Variants in EEF1AKMT1 observed in about 807,000 individuals in gnomAD.
EEF1AKMT1 encodes the protein EEF1A lysine methyltransferase 1.
In EEF1AKMT1, 18 loss-of-function variants were observed where a neutral mutation model predicts 21.0. The ratio of observed to expected loss-of-function variants is 0.86; its 90% CI spans 0.59 to 1.27. The LOEUF (loss-of-function observed/expected upper bound fraction) is 1.27, where lower values mean the gene tolerates loss of function less well. Among genes scored for constraint, EEF1AKMT1 ranks in the 50% most tolerant of loss-of-function variants. EEF1AKMT1 has a pLI of 0.00. For synonymous variants in EEF1AKMT1, 109 were observed against 94.8 expected (o/e 1.15, Z -0.87); for missense variants, 246 against 258.6 (o/e 0.95, Z 0.33).
At chr13:20,741,073 T>G (rs2058867774) in intron 2 of EEF1AKMT1, among the ~76,000 whole-genome samples, 1 of 152,000 alleles carries the variant, frequency 6.6e-6, no homozygotes, top group South Asian at 2.1e-4. Flanking sequence ...CCAGTTTGTT[T>G]AGTGAAAAAT....
intron 1 of EEF1AKMT1, among the ~76,000 whole-genome samples, chr13:20,761,147 G>A (rs999698608): frequency 2.0e-5 from 3 of 152,132 alleles, no homozygotes; most frequent in South Asian, 2.1e-4. Context: ...ATGATATCAC[G>A]TGTAGATTCA....
intron 2 of EEF1AKMT1, among the ~76,000 whole-genome samples, chr13:20,743,373 TTTA>T (rs985190042): frequency 1.1e-4 from 16 of 151,850 alleles, no homozygotes; most frequent in Non-Finnish European, 2.9e-5. Flanking sequence ...GGCTAATACT[TTTA>T]TTATTTTTAT....
At chr13:20,770,441 C>T (rs1313452434) in intron 1 of EEF1AKMT1, among the ~76,000 whole-genome samples, 1 of 151,998 alleles carries the variant, frequency 6.6e-6, no homozygotes, top group Non-Finnish European at 1.5e-5. Context: ...AGAAGTCCCA[C>T]CAAAGAATGG....
intron 2 of EEF1AKMT1, among the ~76,000 whole-genome samples, chr13:20,749,801 T>C (rs541981744): frequency 1.3e-5 from 2 of 152,366 alleles, no homozygotes; most frequent in Non-Finnish European, 2.9e-5. Context: ...TAAAAGTTTC[T>C]AATAAAGCTA....
At chr13:20,756,307 G>C (rs892651960) in intron 2 of EEF1AKMT1, among the ~76,000 whole-genome samples, 1 of 151,920 alleles carries the variant, frequency 6.6e-6, no homozygotes, top group Non-Finnish European at 1.5e-5. Context: ...GGTCATGTTA[G>C]GAGTTTCCTT....
intron 1 of EEF1AKMT1, among the ~76,000 whole-genome samples, chr13:20,767,197 T>C (rs2059039264): frequency 6.7e-6 from 1 of 149,496 alleles, no homozygotes; most frequent in Admixed American, 6.7e-5. Flanking sequence ...TCCCAGCTAC[T>C]CGGGAGGCTG....
At chr13:20,770,534 C>T (rs1247516329) in intron 1 of EEF1AKMT1, among the ~76,000 whole-genome samples, 3 of 152,164 alleles carry the variant, frequency 2.0e-5, no homozygotes, top group Non-Finnish European at 4.4e-5. Context: ...CATACCAGAA[C>T]CCAACAGGCC....
intron 2 of EEF1AKMT1, among the ~76,000 whole-genome samples, chr13:20,738,034 G>A (rs1387970539): frequency 6.6e-6 from 1 of 152,196 alleles, no homozygotes; most frequent in Non-Finnish European, 1.5e-5. Flanking sequence ...TCTAGGCACT[G>A]AGTATCAACG....
chr13:20,749,301 A>G (rs1487606911), intron 2 of EEF1AKMT1, among the ~76,000 whole-genome samples: 1 of 152,180 alleles, frequency 6.6e-6, no homozygotes, highest in African/African-American at 2.4e-5. Flanking sequence ...CTGTCCTGGA[A>G]CACACCATCC....
At chr13:20,748,715 G>GTTTTTTTT (rs796299437) in intron 2 of EEF1AKMT1, among the ~76,000 whole-genome samples, 1 of 105,810 alleles carries the variant, frequency 9.5e-6, no homozygotes, top group Non-Finnish European at 1.9e-5. Context: ...ATGTATAGTT[G>GTTTTTTTT]TTTTTTTTTG....
rs113371020 is a variant in EEF1AKMT1, at chr13:20,751,011, G to A, written c.144+6444C>T. 1.7e-3 allele frequency among the ~76,000 whole-genome samples: 258 copies of A among 152,198 alleles called. 1 individual carries two copies. The highest frequency in any genetic ancestry group is 5.5e-3 in the African/African-American group (229 of 41,534). On this transcript the variant is annotated intron_variant, in intron 2 of 4. Transcript: ENST00000382758. ...TGAGAAATGTCTATTCAGGTCCTTTGCCCATTTTAATGGGATTATTTGGTT... is the reference window on the plus strand; with the variant it reads ...TGAGAAATGTCTATTCAGGTCCTTTACCCATTTTAATGGGATTATTTGGTT...
At chr13:20,764,917 A>ACACACACC (rs71087097) in intron 1 of EEF1AKMT1, among the ~76,000 whole-genome samples, 10 of 146,394 alleles carry the variant, frequency 6.8e-5, no homozygotes, top group Middle Eastern at 3.6e-3. Flanking sequence ...ACACACACAC[A>ACACACACC]CCCTAATTTT....
intron 2 of EEF1AKMT1, among the ~76,000 whole-genome samples, chr13:20,752,879 G>A (rs2058950282): frequency 6.6e-6 from 1 of 151,032 alleles, no homozygotes; most frequent in Non-Finnish European, 1.5e-5. Flanking sequence ...TTTTCCCTAT[G>A]TTTTCAAAAA....
At chr13:20,764,879 C>A (rs1305477280) in intron 1 of EEF1AKMT1, among the ~76,000 whole-genome samples, 1 of 59,156 alleles carries the variant, frequency 1.7e-5, no homozygotes, top group African/African-American at 5.5e-5. Flanking sequence ...CTTTCACTTT[C>A]AACACACACA....
chr13:20,736,960 C>T lies in EEF1AKMT1; in HGVS notation c.227+763G>A, dbSNP rs575471388. Among the ~76,000 whole-genome samples, 4 of 151,808 alleles carry T rather than the reference C, an allele frequency of 2.6e-5. No homozygotes were observed. In the South Asian group the frequency reaches 6.3e-4, roughly 24 times the overall value. ...TGTTGTCCAGGCTGGTCTCAAACTC[C>T]GAACCTCAGGTGATCCGCCCGCCTT... is the stretch of plus-strand genomic sequence containing the variant. On this transcript the variant is annotated intron_variant, in intron 3 of 4. Transcript: ENST00000382758.
At chr13:20,742,003 C>T (rs1415476771) in intron 2 of EEF1AKMT1, among the ~76,000 whole-genome samples, 1 of 152,070 alleles carries the variant, frequency 6.6e-6, no homozygotes, top group Non-Finnish European at 1.5e-5. Flanking sequence ...TTTAATTATT[C>T]CTGTTACAAA....
intron 2 of EEF1AKMT1, chr13:20,747,367 C>A: frequency 4.3e-6 from 1 of 232,780 alleles, no homozygotes; most frequent in Admixed American, 4.1e-5. Flanking sequence ...ATTTTGCCTT[C>A]ACTTTCCTGT....
At chr13:20,737,429 C>T (rs546174450) in intron 3 of EEF1AKMT1, among the ~76,000 whole-genome samples, 29 of 152,206 alleles carry the variant, frequency 1.9e-4, no homozygotes, top group African/African-American at 6.7e-4. Flanking sequence ...AATCTATATT[C>T]TTAAAACTTC....
chr13:20,732,314 A>G (rs1439864262), intron 3 of EEF1AKMT1, among the ~76,000 whole-genome samples, 193 bp from the exon 4 acceptor site: 1 of 152,178 alleles, frequency 6.6e-6, no homozygotes, highest in East Asian at 1.9e-4. Flanking sequence ...CTGGTACTTA[A>G]AAGTCTGTAA....
Sources: allele counts gnomAD v4.1 joint callset (sites outside exome capture counted in the v4.1 genomes callset), GRCh38; gene constraint gnomAD v4.1.1; transcripts MANE v1.5; gene names NCBI Gene and HGNC (gene_info 2026-07-23, HGNC 2026-07-21).